Variants in MAGI2 observed in about 807,000 individuals in gnomAD.
MAGI2 encodes membrane-associated guanylate kinase, WW and PDZ domain-containing protein 2.
Under a neutral mutation model 133.3 loss-of-function variants are expected in MAGI2, and 35 were observed. The ratio of observed to expected loss-of-function variants is 0.26; its 90% CI spans 0.20 to 0.35. MAGI2 has a LOEUF of 0.35. Among genes scored for constraint, MAGI2 ranks in the 10% least tolerant of loss-of-function variants. MAGI2 has a pLI of 1.00. For missense variants in MAGI2, 1,636 were observed against 1,863.4 expected (o/e 0.88, Z 2.25); for synonymous variants, 729 against 710.6 (o/e 1.03, Z -0.41).
chr7:78,797,780 A>G (rs1453354166), intron 2 of MAGI2, among the ~76,000 whole-genome samples: 1 of 152,160 alleles, frequency 6.6e-6, no homozygotes, highest in Non-Finnish European at 1.5e-5. Context: ...TTATATATTC[A>G]CGCTAGGGGT....
At chr7:78,645,957 T>A (rs1204382642) in intron 2 of MAGI2, among the ~76,000 whole-genome samples, 1 of 152,164 alleles carries the variant, frequency 6.6e-6, no homozygotes, top group Non-Finnish European at 1.5e-5. Flanking sequence ...CAGGCTGGTC[T>A]CGAACCCCTG....
intron 21 of MAGI2, among the ~76,000 whole-genome samples, chr7:78,034,277 A>G (rs1014087924): frequency 6.6e-6 from 1 of 152,130 alleles, no homozygotes; most frequent in Non-Finnish European, 1.5e-5. Context: ...TGGGGGGAAA[A>G]AAGACGAAAG....
intron 6 of MAGI2, among the ~76,000 whole-genome samples, chr7:78,384,922 A>G (rs115667955): frequency 1.2e-3 from 181 of 152,306 alleles, no homozygotes; most frequent in African/African-American, 4.1e-3. Context: ...AGCAAAGTCT[A>G]TGATGCTGCT....
At chr7:79,214,533 TAA>T (rs1170461266) in intron 1 of MAGI2, among the ~76,000 whole-genome samples, 2 of 138,208 alleles carry the variant, frequency 1.4e-5, no homozygotes, top group African/African-American at 2.7e-5. Flanking sequence ...ACCAAAATGA[TAA>T]GAGGAAACAT....
intron 2 of MAGI2, among the ~76,000 whole-genome samples, chr7:78,768,194 A>AT (rs1825222819): frequency 6.6e-6 from 1 of 152,170 alleles, no homozygotes. Context: ...AACATCTGAA[A>AT]TTTCTCTGGG....
At chr7:79,327,906 T>A (rs1471734000) in intron 1 of MAGI2, among the ~76,000 whole-genome samples, 4 of 152,190 alleles carry the variant, frequency 2.6e-5, no homozygotes, top group Non-Finnish European at 5.9e-5. Flanking sequence ...TTGGTATTTT[T>A]AAACTTGTAT....
intron 2 of MAGI2, among the ~76,000 whole-genome samples, chr7:78,881,038 T>A (rs116557256): frequency 6.6e-6 from 1 of 152,294 alleles, no homozygotes; most frequent in African/African-American, 2.4e-5. Context: ...TAAATATATA[T>A]GCACCCAACA....
intron 1 of MAGI2, among the ~76,000 whole-genome samples, chr7:79,130,104 C>T (rs1820788914): frequency 6.8e-6 from 1 of 147,934 alleles, no homozygotes; most frequent in Non-Finnish European, 1.5e-5. Context: ...AGGTCAAGGC[C>T]AGCCTGAGTA....
chr7:78,523,627 C>T (rs1220472131), intron 3 of MAGI2, among the ~76,000 whole-genome samples: 1 of 152,162 alleles, frequency 6.6e-6, no homozygotes, highest in East Asian at 1.9e-4. Flanking sequence ...AAAGGGGAAG[C>T]AAGCCCCTTC....
intron 1 of MAGI2, among the ~76,000 whole-genome samples, chr7:79,427,625 C>T (rs1028460590): frequency 6.6e-6 from 1 of 152,038 alleles, no homozygotes; most frequent in African/African-American, 2.4e-5. Flanking sequence ...TCCATGTTGT[C>T]CAGCATAGCT....
intron 1 of MAGI2, among the ~76,000 whole-genome samples, chr7:79,185,434 C>T (rs1216353218): frequency 1.3e-5 from 2 of 151,746 alleles, no homozygotes; most frequent in Admixed American, 6.6e-5. Flanking sequence ...ACAACAGTTG[C>T]CAAATTTGTT....
At chr7:78,255,730 T>TATTA (rs1792897782) in intron 10 of MAGI2, 1 of 626,342 alleles carries the variant, frequency 1.6e-6, no homozygotes, top group East Asian at 2.7e-5. Flanking sequence ...AAAGAACTAT[T>TATTA]ATTATTGTGT....
intron 1 of MAGI2, among the ~76,000 whole-genome samples, chr7:79,229,236 T>C (rs566381535): frequency 1.7e-4 from 26 of 152,336 alleles, no homozygotes; most frequent in Admixed American, 3.9e-4. Flanking sequence ...TGCTTGCTTC[T>C]GACGTGATAT....
intron 2 of MAGI2, among the ~76,000 whole-genome samples, chr7:78,980,338 C>A (rs186617031): frequency 1.4e-4 from 21 of 151,954 alleles, no homozygotes; most frequent in African/African-American, 4.8e-4. Context: ...CAAACTGCAA[C>A]ACAAATTTAT....
intron 21 of MAGI2, chr7:78,065,497 C>A (rs1414364745): frequency 1.8e-5 from 11 of 606,152 alleles, no homozygotes; most frequent in Non-Finnish European, 2.6e-5. Flanking sequence ...AAAGAGAAAG[C>A]ATTATACATC....
chr7:78,284,738 T>C (rs1467118526), intron 9 of MAGI2, among the ~76,000 whole-genome samples: 3 of 152,060 alleles, frequency 2.0e-5, no homozygotes, highest in Non-Finnish European at 2.9e-5. Context: ...CTTAGCTGCC[T>C]GTCATCAAAA....
At chr7:79,119,708 C>T (rs1330459877) in intron 1 of MAGI2, among the ~76,000 whole-genome samples, 2 of 152,002 alleles carry the variant, frequency 1.3e-5, no homozygotes, top group Non-Finnish European at 2.9e-5. Flanking sequence ...CCTCTCATTC[C>T]TTAATACTGT....
chr7:79,205,547 G>A (rs1325531382), intron 1 of MAGI2, among the ~76,000 whole-genome samples: 1 of 151,400 alleles, frequency 6.6e-6, no homozygotes, highest in Admixed American at 6.6e-5. Context: ...ATATATGAAA[G>A]TATAAAACTC....
intron 1 of MAGI2, among the ~76,000 whole-genome samples, chr7:79,086,888 G>T (rs963224956): frequency 1.3e-5 from 2 of 151,604 alleles, no homozygotes; most frequent in African/African-American, 4.8e-5. Flanking sequence ...ATTTCTAAGA[G>T]GTGCAGACAT....
Sources: allele counts gnomAD v4.1 joint callset (sites outside exome capture counted in the v4.1 genomes callset), GRCh38; gene constraint gnomAD v4.1.1; transcripts MANE v1.5; gene names NCBI Gene and HGNC (gene_info 2026-07-23, HGNC 2026-07-21).